Variants in COL25A1 observed in about 807,000 individuals in gnomAD.
COL25A1 encodes collagen type XXV alpha 1 chain.
COL25A1 carries 103 observed loss-of-function variants against 128.4 expected under a neutral mutation model. The ratio of observed to expected loss-of-function variants is 0.80; its 90% CI spans 0.68 to 0.94. The LOEUF (loss-of-function observed/expected upper bound fraction) is 0.94, where lower values mean the gene tolerates loss of function less well. COL25A1 is among the 40% of genes least tolerant of loss of function. The pLI, the probability that COL25A1 is intolerant of heterozygous loss-of-function variation, is 0.00. For missense variants in COL25A1, 745 were observed against 840.0 expected (o/e 0.89, Z 1.40); for synonymous variants, 279 against 277.2 (o/e 1.01, Z -0.06).
At position 109,253,891 on chromosome 4, in the gene COL25A1, TC is replaced by T. The variant is rs1780841328; in HGVS notation, c.367+46691del. 3.9e-5 allele frequency among the ~76,000 whole-genome samples: 6 copies of T among 152,074 alleles called. No individual in the cohort carries two copies. In the South Asian group the frequency reaches 8.3e-4, roughly 21 times the overall value. On this transcript the variant is annotated intron_variant, in intron 3 of 37. Transcript: ENST00000399132. The stretch of plus-strand genomic sequence containing the variant: ...TCACGAGGTCAGGAGATTGAGACCA[TC>T]CTGGCTAACACGGTGAAACCCTGTC...
At chr4:109,197,431 ATAT>A (rs1331749967) in intron 3 of COL25A1, among the ~76,000 whole-genome samples, 29 of 124,170 alleles carry the variant, frequency 2.3e-4, no homozygotes, top group African/African-American at 7.0e-4. Context: ...TTATATATAA[ATAT>A]TATATATTAT....
chr4:108,942,366 C>A, intron 8 of COL25A1: 1 of 1,083,092 alleles, frequency 9.2e-7, no homozygotes, highest in South Asian at 1.4e-5. Context: ...TAGCACCTCC[C>A]TTTCCTGGGA....
At chr4:109,015,487 A>G (rs1185021126) in intron 5 of COL25A1, among the ~76,000 whole-genome samples, 1 of 152,248 alleles carries the variant, frequency 6.6e-6, no homozygotes. Context: ...ACCTGAATCT[A>G]GTAAACGTAA....
At chr4:109,265,527 GT>G (rs1044606946) in intron 3 of COL25A1, among the ~76,000 whole-genome samples, 3 of 120,948 alleles carry the variant, frequency 2.5e-5, no homozygotes, top group South Asian at 3.2e-4. Flanking sequence ...ACGTGTGTGT[GT>G]GTGTGTGTGT....
intron 3 of COL25A1, among the ~76,000 whole-genome samples, chr4:109,236,607 T>C (rs1324280292): frequency 6.6e-6 from 1 of 152,120 alleles, no homozygotes; most frequent in African/African-American, 2.4e-5. Flanking sequence ...AAATATTGTT[T>C]ATATTTTAAA....
chr4:109,035,359 G>C (rs1427146883), intron 5 of COL25A1, among the ~76,000 whole-genome samples: 1 of 152,108 alleles, frequency 6.6e-6, no homozygotes, highest in East Asian at 1.9e-4. Context: ...AAGTATTAAA[G>C]TATGTTACAT....
At chr4:109,074,193 TG>T (rs1763212630) in intron 3 of COL25A1, among the ~76,000 whole-genome samples, 1 of 151,950 alleles carries the variant, frequency 6.6e-6, no homozygotes, top group Non-Finnish European at 1.5e-5. Flanking sequence ...TGACAGGAGG[TG>T]GGGCTCAGGT....
At chr4:109,124,545 T>C (rs1173740737) in intron 3 of COL25A1, among the ~76,000 whole-genome samples, 2 of 152,058 alleles carry the variant, frequency 1.3e-5, no homozygotes, top group African/African-American at 4.8e-5. Flanking sequence ...AATTAAAATT[T>C]TTTTTCCAGC....
chr4:109,258,110 C>A (rs959944417), intron 3 of COL25A1, among the ~76,000 whole-genome samples: 1 of 152,126 alleles, frequency 6.6e-6, no homozygotes, highest in African/African-American at 2.4e-5. Context: ...CTGCTCCCAC[C>A]CAATCTCAGA....
chr4:109,281,647 T>C (rs1407640148), intron 3 of COL25A1, among the ~76,000 whole-genome samples: 1 of 152,168 alleles, frequency 6.6e-6, no homozygotes, highest in Non-Finnish European at 1.5e-5. Flanking sequence ...ACAGTGGTTG[T>C]TAACTACTAA....
chr4:108,859,094 A>T (rs1404869940), intron 24 of COL25A1, among the ~76,000 whole-genome samples: 2 of 152,238 alleles, frequency 1.3e-5, no homozygotes, highest in Non-Finnish European at 2.9e-5. Context: ...ATTATATGGT[A>T]GCAGTAATAA....
intron 3 of COL25A1, among the ~76,000 whole-genome samples, chr4:109,158,460 G>A (rs565398917): frequency 6.6e-6 from 1 of 152,128 alleles, no homozygotes; most frequent in African/African-American, 2.4e-5. Context: ...AGGCATAATG[G>A]TAGTAAAGCA....
In COL25A1 at chr4:108,825,115, G is replaced by T; in HGVS notation, c.1791+81C>A. 2.6e-6 allele frequency: 3 copies of T among 1,149,418 alleles called. No homozygotes were observed. The South Asian group carries it at 3.8e-5, about 14-fold the overall frequency. The allele number at this position is 1,149,418 out of a possible 1,614,324, so 71.2% of individuals were successfully genotyped here. ...CATACCTATATGCACAGAAAAAAAAGAAGTATTCTTTTTGTTATCGATGAT... is the reference window on the plus strand; with the variant it reads ...CATACCTATATGCACAGAAAAAAAATAAGTATTCTTTTTGTTATCGATGAT... On this transcript the variant is annotated intron_variant, in intron 34 of 37. Transcript: ENST00000399132.
At chr4:108,933,359 A>G (rs888253008) in intron 11 of COL25A1, among the ~76,000 whole-genome samples, 5 of 152,228 alleles carry the variant, frequency 3.3e-5, no homozygotes, top group African/African-American at 1.2e-4. Flanking sequence ...AAAGATGAGA[A>G]TAGTGGTATT....
chr4:109,231,964 C>A (rs1284916072), intron 3 of COL25A1, among the ~76,000 whole-genome samples: 1 of 152,116 alleles, frequency 6.6e-6, no homozygotes, highest in African/African-American at 2.4e-5. Flanking sequence ...TACAATTACT[C>A]AACATACGAT....
chr4:109,244,143 A>G (rs1369348408), intron 3 of COL25A1, among the ~76,000 whole-genome samples: 1 of 111,472 alleles, frequency 9.0e-6, no homozygotes, highest in Non-Finnish European at 1.7e-5. Flanking sequence ...AGAAAGAAAG[A>G]AAAAAAAAAA....
At chr4:109,293,478 T>G (rs1416668670) in intron 3 of COL25A1, among the ~76,000 whole-genome samples, 1 of 152,096 alleles carries the variant, frequency 6.6e-6, no homozygotes, top group Non-Finnish European at 1.5e-5. Context: ...ATTACCATAA[T>G]GTACAAACTA....
At chr4:108,984,638 G>A (rs932426143) in intron 6 of COL25A1, among the ~76,000 whole-genome samples, 2 of 152,208 alleles carry the variant, frequency 1.3e-5, no homozygotes, top group Non-Finnish European at 2.9e-5. Context: ...CCAGCCGGCC[G>A]CTCCGAAGTG....
At chr4:109,138,093 C>T (rs1028852879) in intron 3 of COL25A1, among the ~76,000 whole-genome samples, 10 of 151,764 alleles carry the variant, frequency 6.6e-5, no homozygotes, top group African/African-American at 1.9e-4. Flanking sequence ...CCCATCAACC[C>T]GTCATCTACA....
Sources: gnomAD v4.1 joint callset for allele counts (sites outside exome capture counted in the v4.1 genomes callset) on GRCh38, gnomAD v4.1.1 for gene constraint, MANE v1.5 for transcripts, NCBI Gene and HGNC (gene_info 2026-07-23, HGNC 2026-07-21) for gene names.